The following EXOC6B variants were observed in gnomAD, a reference collection of about 807,000 sequenced individuals.
The protein encoded by EXOC6B is SEC15 homolog B.
EXOC6B carries 54 observed loss-of-function variants against 113.5 expected under a neutral mutation model. The observed-to-expected ratio is 0.48, with a 90% CI of 0.38 to 0.60. The LOEUF (loss-of-function observed/expected upper bound fraction) is 0.60. Among genes scored for constraint, EXOC6B ranks in the 20% least tolerant of loss-of-function variants. EXOC6B has a pLI of 0.00. For missense variants in EXOC6B, 797 were observed against 977.5 expected, an observed-to-expected ratio of 0.82 and a Z score of 2.46; for synonymous variants, 357 against 339.0, an observed-to-expected ratio of 1.05 and a Z score of -0.58.
chr2:72,420,027 T>C (rs1486881272), intron 18 of EXOC6B, among the ~76,000 whole-genome samples: 2 of 152,178 alleles, frequency 1.3e-5, no homozygotes, highest in African/African-American at 4.8e-5. Context: ...CTCTTCCCAT[T>C]ATCTTCCCTT....
intron 17 of EXOC6B, among the ~76,000 whole-genome samples, chr2:72,468,682 C>A (rs1181544632): frequency 1.3e-5 from 2 of 152,106 alleles, no homozygotes; most frequent in Non-Finnish European, 2.9e-5. Flanking sequence ...ATGAAAAATG[C>A]ATTAGAATTT....
intron 5 of EXOC6B, among the ~76,000 whole-genome samples, chr2:72,730,717 A>G (rs937017751): frequency 6.6e-6 from 1 of 152,058 alleles, no homozygotes; most frequent in Non-Finnish European, 1.5e-5. Flanking sequence ...ATGAATCAAA[A>G]CATATCTCAA....
At chr2:72,412,698 T>C (rs1379914594) in intron 18 of EXOC6B, among the ~76,000 whole-genome samples, 1 of 152,224 alleles carries the variant, frequency 6.6e-6, no homozygotes, top group Non-Finnish European at 1.5e-5. Flanking sequence ...TCTCTTTTTT[T>C]CCCTAGGCTA....
intron 18 of EXOC6B, among the ~76,000 whole-genome samples, chr2:72,421,601 A>T (rs1276531259): frequency 6.6e-6 from 1 of 152,262 alleles, no homozygotes; most frequent in Non-Finnish European, 1.5e-5. Flanking sequence ...CCAATATAGC[A>T]TTCACATACT....
chr2:72,217,559 A>G (rs994967611), intron 20 of EXOC6B, among the ~76,000 whole-genome samples: 6 of 152,214 alleles, frequency 3.9e-5, no homozygotes, highest in African/African-American at 1.4e-4. Flanking sequence ...CCCATTGGGG[A>G]GTTTCTGGTC....
At chr2:72,674,516 G>A (rs1322005298) in intron 6 of EXOC6B, among the ~76,000 whole-genome samples, 2 of 152,144 alleles carry the variant, frequency 1.3e-5, no homozygotes, top group African/African-American at 2.4e-5. Flanking sequence ...CTATCGAGTG[G>A]TAATGAATCG....
At position 72,587,540 on chromosome 2, in the gene EXOC6B, G is replaced by A. The variant is rs1005516005; in HGVS notation, c.670-11872C>T. Among the ~76,000 whole-genome samples the A allele has an allele frequency of 3.9e-5, 6 of 152,124 alleles. 1 individual carries two copies. Among genetic ancestry groups the A allele is most frequent in the South Asian group, 2.1e-4 (1 of 4,822 alleles). On this transcript the variant is annotated intron_variant, in intron 6 of 21. Transcript: ENST00000272427. ...AATCACACGTGTAACAAACCTGCACGTGGCCACATGAAACTAAAATAAAAT... is the reference window on the plus strand; with the variant it reads ...AATCACACGTGTAACAAACCTGCACATGGCCACATGAAACTAAAATAAAAT...
chr2:72,476,177 TTG>T (rs1428134216), intron 17 of EXOC6B, among the ~76,000 whole-genome samples: 2 of 152,310 alleles, frequency 1.3e-5, no homozygotes, highest in East Asian at 3.9e-4. Flanking sequence ...GACTCTCCTA[TTG>T]CCAGGATTTC....
At chr2:72,191,983 G>T (rs1678867180) in intron 20 of EXOC6B, among the ~76,000 whole-genome samples, 1 of 152,198 alleles carries the variant, frequency 6.6e-6, no homozygotes, top group Non-Finnish European at 1.5e-5. Context: ...TCAGAAAATA[G>T]AAATATGGAG....
Position 72,733,095 on chromosome 2 carries a change from T to C in EXOC6B, c.303A>G (p.Arg101=). Residue 101 remains arginine (R), a synonymous_variant, in exon 3 of 22, where the codon AGA becomes AGG. Coordinates refer to ENST00000272427, the MANE Select transcript of EXOC6B (RefSeq NM_015189.3). ...CTTCCTTTCCCTCATGTTGTAGTTT[T>C]CTATTAGTATCCGTCACTTGATTCT... ...KLKNQVTDTN[R]KLQHEGKELV... is the part of the protein sequence containing the mutation. 1 of 1,593,834 alleles carries C rather than the reference T, an allele frequency of 6.3e-7. No homozygotes were observed.
intron 18 of EXOC6B, among the ~76,000 whole-genome samples, chr2:72,422,345 A>G (rs1694936507): frequency 6.6e-6 from 1 of 152,128 alleles, no homozygotes; most frequent in Admixed American, 6.6e-5. Flanking sequence ...GATTGTAAAC[A>G]CCCCAATCAG....
chr2:72,425,413 T>C (rs1033149301), intron 18 of EXOC6B, among the ~76,000 whole-genome samples: 7 of 152,192 alleles, frequency 4.6e-5, no homozygotes, highest in Admixed American at 4.6e-4. Flanking sequence ...TTATTACTGA[T>C]TGGAAGACAT....
At chr2:72,182,832 G>A in intron 21 of EXOC6B, 5 of 1,134,156 alleles carry the variant, frequency 4.4e-6, no homozygotes, top group Non-Finnish European at 5.6e-6. Context: ...TAGTGTCAAT[G>A]AGGAAACCAG....
chr2:72,797,442 A>G (rs1685023906), intron 1 of EXOC6B, among the ~76,000 whole-genome samples: 1 of 152,258 alleles, frequency 6.6e-6, no homozygotes. Flanking sequence ...TATAAAAGAT[A>G]AAATGATCTA....
intron 18 of EXOC6B, among the ~76,000 whole-genome samples, chr2:72,437,612 A>G (rs1412829020): frequency 2.0e-5 from 3 of 152,186 alleles, no homozygotes; most frequent in Non-Finnish European, 4.4e-5. Context: ...AAGAGGAATC[A>G]AGAGAGGTAG....
At chr2:72,737,796 G>A (rs1681059584) in intron 2 of EXOC6B, among the ~76,000 whole-genome samples, 1 of 151,964 alleles carries the variant, frequency 6.6e-6, no homozygotes, top group Non-Finnish European at 1.5e-5. Context: ...AGGTTGCAGT[G>A]AACCAAGATC....
chr2:72,393,216 C>T (rs1302104606), intron 18 of EXOC6B, among the ~76,000 whole-genome samples: 2 of 151,940 alleles, frequency 1.3e-5, no homozygotes, highest in African/African-American at 4.8e-5. Flanking sequence ...GCCTCAGCCT[C>T]CCAAGTAGCT....
intron 6 of EXOC6B, among the ~76,000 whole-genome samples, chr2:72,686,402 A>G (rs890841762): frequency 2.0e-5 from 3 of 152,216 alleles, no homozygotes; most frequent in Non-Finnish European, 4.4e-5. Context: ...GGGGTAGAGA[A>G]AGAGAGAGAT....
chr2:72,393,603 A>C (rs1283852306), intron 18 of EXOC6B, among the ~76,000 whole-genome samples: 1 of 152,218 alleles, frequency 6.6e-6, no homozygotes, highest in Non-Finnish European at 1.5e-5. Flanking sequence ...AACCAAAATG[A>C]ATCTTTTTAA....
Sources: gnomAD v4.1 joint callset for allele counts (sites outside exome capture counted in the v4.1 genomes callset) on GRCh38, gnomAD v4.1.1 for gene constraint, MANE v1.5 for transcripts, NCBI Gene and HGNC (gene_info 2026-07-23, HGNC 2026-07-21) for gene names.